The following PHF8 variants were observed in gnomAD, a reference collection of about 807,000 sequenced individuals.
PHF8 encodes PHD finger protein 8, also known as histone lysine demethylase PHF8.
In PHF8, 9 loss-of-function variants were observed where a neutral mutation model predicts 74.4. The observed-to-expected ratio is 0.12, with a 90% CI of 0.07 to 0.21. PHF8 has a LOEUF of 0.21. Among genes scored for constraint, PHF8 ranks in the 10% least tolerant of loss-of-function variants. PHF8 has a pLI of 1.00. For missense variants in PHF8, 478 were observed against 816.6 expected (o/e 0.59, Z 5.05); for synonymous variants, 311 against 316.6 (o/e 0.98, Z 0.19).
At chrX:53,995,346 T>C (rs1716469465) in intron 12 of PHF8, 1 of 321,998 alleles carries the variant, frequency 3.1e-6, no homozygotes, top group Admixed American at 3.9e-5. Flanking sequence ...ATTTTTGTGC[T>C]CAACCCACAT....
chrX:53,988,779 T>C (rs1179128460), intron 14 of PHF8, among the ~76,000 whole-genome samples: 1 of 107,859 alleles, frequency 9.3e-6, no homozygotes, highest in Non-Finnish European at 1.9e-5. Context: ...AATACTGTAT[T>C]GTATACTTGA....
In PHF8 at chrX:53,985,238, CAG is replaced by C. The variant is rs2065543086; in HGVS notation, c.2130-13_2130-12del. On this transcript the variant is annotated splice_polypyrimidine_tract_variant and intron_variant, in intron 17 of 21. Coordinates refer to ENST00000338154, the MANE Select transcript of PHF8 (RefSeq NM_015107.3). Reference sequence around the variant, plus strand: ...GAAGCTGGGGCCTCGCTGCAAGGAACAGAGGAGAAATACTGAGAGAGTTGTTT... The same window carrying C: ...GAAGCTGGGGCCTCGCTGCAAGGAACAGGAGAAATACTGAGAGAGTTGTTT... 8.5e-7 allele frequency: 1 copy of C among 1,172,722 alleles called. No individual in the cohort carries two copies. Among genetic ancestry groups the C allele is most frequent in the Admixed American group, 2.3e-5 (1 of 42,719 alleles).
chrX:53,954,788 G>C (rs1231109020), intron 19 of PHF8, among the ~76,000 whole-genome samples: 2 of 110,277 alleles, frequency 1.8e-5, no homozygotes, highest in African/African-American at 6.6e-5. Flanking sequence ...TAGCACTATA[G>C]TATATTTCAT....
chrX:53,960,829 CTA>C (rs1345590403), intron 19 of PHF8, among the ~76,000 whole-genome samples: 2 of 109,980 alleles, frequency 1.8e-5, no homozygotes, highest in Non-Finnish European at 3.8e-5. Flanking sequence ...AGGGAAAAGA[CTA>C]TAAAGAAACA....
At chrX:54,016,265 G>A (rs954948325) in intron 6 of PHF8, among the ~76,000 whole-genome samples, 2 of 110,827 alleles carry the variant, frequency 1.8e-5, no homozygotes, top group Admixed American at 9.7e-5. Context: ...AGGCCAAGGC[G>A]GGCAGATCAC....
At chrX:54,034,838 A>T (rs2146498529) in intron 2 of PHF8, among the ~76,000 whole-genome samples, 1 of 105,594 alleles carries the variant, frequency 9.5e-6, no homozygotes, top group South Asian at 4.2e-4. Context: ...AAAAAAAAAA[A>T]AAAAAAAAAA....
At chrX:53,948,209 T>A (rs1005170811) in intron 19 of PHF8, among the ~76,000 whole-genome samples, 1 of 112,204 alleles carries the variant, frequency 8.9e-6, no homozygotes, top group Non-Finnish European at 1.9e-5. Context: ...ACTGGGTATC[T>A]GAAGATCTTA....
Position 53,973,954 on chromosome X carries a change from A to C in PHF8, c.2443+10960T>G, listed in dbSNP as rs782075674. Reference sequence around the variant, plus strand: ...AACTTAAACAAATTTATAAGAAAACAACCCCACTAAAAAGAAGACATTCAG... The same window carrying C: ...AACTTAAACAAATTTATAAGAAAACCACCCCACTAAAAAGAAGACATTCAG... On this transcript the variant is annotated intron_variant, in intron 18 of 21. Transcript: ENST00000338154. Among the ~76,000 whole-genome samples, 145 of 111,314 alleles carry C rather than the reference A, an allele frequency of 1.3e-3. 1 individual carries two copies. Among genetic ancestry groups the C allele is most frequent in the African/African-American group, 4.6e-3 (140 of 30,702 alleles).
chrX:53,969,300 T>C (rs1453946995), intron 18 of PHF8, among the ~76,000 whole-genome samples: 1 of 109,402 alleles, frequency 9.1e-6, no homozygotes, highest in Non-Finnish European at 1.9e-5. Context: ...CATACAAAAA[T>C]CAGTAGCATT....
chrX:54,035,453 G>A (rs2066436862), intron 2 of PHF8, among the ~76,000 whole-genome samples: 2 of 110,468 alleles, frequency 1.8e-5, no homozygotes, highest in South Asian at 7.7e-4. Context: ...TATGTATAAT[G>A]TAATACCTAG....
At chrX:53,971,520 A>C (rs782758261) in intron 18 of PHF8, among the ~76,000 whole-genome samples, 61 of 111,602 alleles carry the variant, frequency 5.5e-4, no homozygotes, top group African/African-American at 1.9e-3. Flanking sequence ...CCTTCAAAAA[A>C]ACAAAAAATC....
At chrX:54,034,823 C>CA (rs1235099588) in intron 2 of PHF8, among the ~76,000 whole-genome samples, 931 of 17,370 alleles carry the variant, frequency 0.054, 62 homozygotes, top group Non-Finnish European at 0.072. Context: ...GACTTCGTCT[C>CA]AAAAAAAAAA....
At chrX:54,016,567 G>C (rs1557108245) in intron 6 of PHF8, 28 bp downstream of exon 6, 2 of 1,180,955 alleles carry the variant, frequency 1.7e-6, no homozygotes, top group Admixed American at 4.4e-5. Context: ...ACTTTGTCAG[G>C]TTTTTTTGTT....
At chrX:53,995,918 G>C in intron 11 of PHF8, 136 bp from the exon 12 acceptor site, 3 of 403,692 alleles carry the variant, frequency 7.4e-6, no homozygotes, top group Non-Finnish European at 1.3e-5. Flanking sequence ...ATATCCACAT[G>C]CAAAAAAAAA....
upstream of PHF8, chrX:54,045,221 G>A (rs2066623837): frequency 9.1e-6 from 2 of 219,858 alleles, no homozygotes; most frequent in Admixed American, 1.4e-4. Context: ...AGCCTGAGGG[G>A]AGGGGAGAGG....
rs1487136673 is a variant in PHF8, at chrX:53,937,169, C to G, written c.*1989G>C. On this transcript the variant is annotated 3_prime_UTR_variant, in exon 22 of 22. Transcript: ENST00000338154. ...AACTTGCTTTTCATTGGAAACAACA[C>G]AAAACAACAAACAGGGGGCTCTAAG... 9.0e-6 allele frequency: 1 copy of G among 110,887 alleles called. No individual in the cohort carries two copies. Among genetic ancestry groups the G allele is most frequent in the African/African-American group, 3.3e-5 (1 of 30,348 alleles). The allele number at this position is 110,887 out of a possible 1,213,427, so 9.1% of individuals were successfully genotyped here. A position where few individuals can be genotyped will look rare whatever the true frequency, so the allele number is the denominator to read the frequency against.
Position 53,938,341 on chromosome X carries a change from G to C in PHF8, c.*817C>G. 3 of 978,851 alleles carry C rather than the reference G, an allele frequency of 3.1e-6. No homozygotes were observed. The highest frequency in any genetic ancestry group is 4.5e-5 in the Admixed American group (1 of 22,186). 80.7% of individuals were successfully genotyped at this position (978,851 alleles called of 1,213,427 possible). A position where few individuals can be genotyped will look rare whatever the true frequency, so the allele number is the denominator to read the frequency against. ...GCCACAGCCACAGCCACAGCCACGT[G>C]GATAATGTTCTACATGATTTCAAAA... On this transcript the variant is annotated 3_prime_UTR_variant, in exon 22 of 22. Transcript: ENST00000338154.
chrX:53,987,513 C>T (rs1402536978), intron 15 of PHF8, among the ~76,000 whole-genome samples: 1 of 111,665 alleles, frequency 9.0e-6, no homozygotes, highest in African/African-American at 3.3e-5. Flanking sequence ...AGTTCGAGAC[C>T]AGCCTGATGA....
intron 19 of PHF8, among the ~76,000 whole-genome samples, chrX:53,954,164 T>C (rs782524728): frequency 3.2e-4 from 36 of 111,453 alleles, no homozygotes; most frequent in Admixed American, 2.6e-3. Flanking sequence ...AGCTGGAGAC[T>C]TCAATACCAC....
Sources: allele counts gnomAD v4.1 joint callset (sites outside exome capture counted in the v4.1 genomes callset), GRCh38; gene constraint gnomAD v4.1.1; transcripts MANE v1.5; gene names NCBI Gene and HGNC (gene_info 2026-07-23, HGNC 2026-07-21).